Variants in BICDL1 observed in about 807,000 individuals in gnomAD.
BICDL1 encodes the protein BICD family like cargo adaptor 1.
BICDL1 carries 20 observed loss-of-function variants against 76.8 expected under a neutral mutation model. The ratio of observed to expected loss-of-function variants is 0.26; its 90% CI spans 0.18 to 0.38. The LOEUF (loss-of-function observed/expected upper bound fraction) is 0.38, where lower values mean the gene tolerates loss of function less well. Among genes scored for constraint, BICDL1 ranks in the 10% least tolerant of loss-of-function variants. The pLI is 1.00. For synonymous variants in BICDL1, 383 were observed against 337.1 expected (o/e 1.14, Z -1.49); for missense variants, 700 against 798.6 (o/e 0.88, Z 1.49).
At chr12:120,010,625 G>A (rs376223726) in intron 2 of BICDL1, among the ~76,000 whole-genome samples, 3 of 152,180 alleles carry the variant, frequency 2.0e-5, no homozygotes, top group East Asian at 3.8e-4. Context: ...AGAGCTGAAT[G>A]GATTGTTAAT....
At chr12:120,036,090 T>G (rs1289482546) in intron 2 of BICDL1, among the ~76,000 whole-genome samples, 1 of 152,270 alleles carries the variant, frequency 6.6e-6, no homozygotes, top group Non-Finnish European at 1.5e-5. Flanking sequence ...CAGATCTGTT[T>G]CACTGGTGAT....
intron 8 of BICDL1, among the ~76,000 whole-genome samples, chr12:120,089,542 C>T (rs773455978): frequency 4.7e-4 from 72 of 152,302 alleles, no homozygotes; most frequent in Non-Finnish European, 9.3e-4. Flanking sequence ...GCCACCACGC[C>T]TGGCTAATTT....
At chr12:120,028,361 G>A (rs1481177592) in intron 2 of BICDL1, among the ~76,000 whole-genome samples, 1 of 150,136 alleles carries the variant, frequency 6.7e-6, no homozygotes, top group African/African-American at 2.5e-5. Context: ...ACATATCCAA[G>A]AATTGGTTTC....
At chr12:120,017,149 G>C (rs1952081823) in intron 2 of BICDL1, among the ~76,000 whole-genome samples, 1 of 152,192 alleles carries the variant, frequency 6.6e-6, no homozygotes, top group Non-Finnish European at 1.5e-5. Context: ...GCCTGCCCTG[G>C]CCTCCCAAAG....
intron 2 of BICDL1, among the ~76,000 whole-genome samples, chr12:120,033,698 C>T (rs1952476813): frequency 6.6e-6 from 1 of 151,984 alleles, no homozygotes; most frequent in African/African-American, 2.4e-5. Context: ...AGAGTTCTTG[C>T]TTTTAAATTT....
intron 2 of BICDL1, among the ~76,000 whole-genome samples, chr12:120,056,284 C>A (rs976865825): frequency 2.6e-5 from 4 of 152,178 alleles, no homozygotes; most frequent in African/African-American, 9.7e-5. Context: ...TAACTAAAGT[C>A]TTGCCATCTA....
intron 2 of BICDL1, among the ~76,000 whole-genome samples, chr12:120,014,689 C>CAA (rs1037186627): frequency 2.4e-5 from 3 of 126,236 alleles, no homozygotes; most frequent in East Asian, 2.4e-4. Flanking sequence ...GACTCCATCT[C>CAA]AAAAAAAAAA....
chr12:120,078,364 T>C (rs776981322), intron 7 of BICDL1, among the ~76,000 whole-genome samples: 38 of 152,248 alleles, frequency 2.5e-4, no homozygotes, highest in Non-Finnish European at 5.0e-4. Context: ...AAGAGCAAAT[T>C]AAGCCTTCAA....
chr12:119,999,881 T>G (rs1951726636), intron 2 of BICDL1: 1 of 391,840 alleles, frequency 2.6e-6, no homozygotes, highest in Non-Finnish European at 4.9e-6. Context: ...TCAGCACTGA[T>G]GTTCTCATGG....
At chr12:120,075,793 C>T (rs1873498519) in intron 7 of BICDL1, among the ~76,000 whole-genome samples, 1 of 152,198 alleles carries the variant, frequency 6.6e-6, no homozygotes, top group Non-Finnish European at 1.5e-5. Context: ...ATCGGGAGAC[C>T]CACCTCCAGC....
chr12:120,062,281 C>T (rs1953121787), intron 3 of BICDL1, among the ~76,000 whole-genome samples: 1 of 152,096 alleles, frequency 6.6e-6, no homozygotes, highest in African/African-American at 2.4e-5. Flanking sequence ...ACCTGGAACA[C>T]AGTGATGTTA....
At chr12:120,070,730 ACT>A (rs1187412473) in intron 4 of BICDL1, among the ~76,000 whole-genome samples, 1 of 147,718 alleles carries the variant, frequency 6.8e-6, no homozygotes, top group African/African-American at 2.5e-5. Context: ...GGTTGGTATA[ACT>A]CTTTTTTTTT....
chr12:120,084,476 T>C lies in BICDL1; in HGVS notation c.1583+3459T>C, dbSNP rs549911728. ...CTTCCTGACACCCTTTTCCCTTTGC[T>C]ACACTGCTACTTGTTGGGAAGCTAA... On this transcript the variant is annotated intron_variant, in intron 8 of 9. Coordinates refer to ENST00000548673, the MANE Select transcript of BICDL1 (RefSeq NM_001367886.1). Among the ~76,000 whole-genome samples, 8 of 152,376 alleles carry C rather than the reference T, an allele frequency of 5.3e-5. No homozygotes were observed. The South Asian group carries it at 1.4e-3, about 28-fold the overall frequency.
chr12:120,010,885 A>G (rs1163820438), intron 2 of BICDL1, among the ~76,000 whole-genome samples: 1 of 152,226 alleles, frequency 6.6e-6, no homozygotes, highest in Non-Finnish European at 1.5e-5. Context: ...TTACTGGCTT[A>G]ACAAGTAAAA....
At chr12:120,045,252 TA>T (rs1165333009) in intron 2 of BICDL1, among the ~76,000 whole-genome samples, 3 of 152,240 alleles carry the variant, frequency 2.0e-5, no homozygotes, top group African/African-American at 7.2e-5. Context: ...TGGCAATCAT[TA>T]AAAAGTCAGG....
In BICDL1 at chr12:119,996,286, T is replaced by G. The variant is rs569602047; in HGVS notation, c.430-2235T>G. ...TTATCTTTTGGCACATTCTTTTGAC[T>G]GCTCTCAATCATGGTAAATTTTCAT... On this transcript the variant is annotated intron_variant, in intron 1 of 9. Transcript: ENST00000548673. Among the ~76,000 whole-genome samples, 23 of 152,344 alleles carry G rather than the reference T, an allele frequency of 1.5e-4. No homozygotes were observed. In the East Asian group the frequency reaches 3.7e-3, roughly 24 times the overall value.
intron 2 of BICDL1, among the ~76,000 whole-genome samples, chr12:120,053,304 G>A (rs752901059): frequency 6.6e-6 from 1 of 151,772 alleles, no homozygotes; most frequent in African/African-American, 2.4e-5. Context: ...GGCTGGTCTC[G>A]AACTCCTGAC....
At chr12:120,089,571 A>G (rs1335102598) in intron 8 of BICDL1, among the ~76,000 whole-genome samples, 1 of 151,860 alleles carries the variant, frequency 6.6e-6, no homozygotes, top group Non-Finnish European at 1.5e-5. Context: ...TAGTAGAGAC[A>G]GGGTTTCTCC....
Position 119,990,127 on chromosome 12 carries a change from G to T in BICDL1, c.259G>T (p.Ala87Ser), listed in dbSNP as rs1481608148. ...QAEPGSLAEGAGPQPPPSQDP... is the reference protein window; with the variant it reads ...QAEPGSLAEGSGPQPPPSQDP... ...CGAGCCTGGGTCTCTGGCCGAGGGG[G>T]CCGGACCGCAGCCGCCGCCCTCCCA... The change falls in exon 1 of 10, where the codon GCC becomes TCC. Residue 87 changes from alanine (A) to serine (S), a missense_variant. Physicochemically the swap from Ala to Ser is moderately conservative, Grantham distance 99 (BLOSUM62 1). Around this residue, in one of 3 missense-constraint regions of BICDL1, gnomAD observed 225 missense variants for 199.6 expected, o/e 1.13. Coordinates refer to ENST00000548673, the MANE Select transcript of BICDL1 (RefSeq NM_001367886.1). 2 of 1,550,052 alleles carry T rather than the reference G, an allele frequency of 1.3e-6. No individual in the cohort carries two copies. The highest frequency in any genetic ancestry group is 1.7e-6 in the Non-Finnish European group (2 of 1,147,048).
Sources: gnomAD v4.1 joint callset for allele counts (sites outside exome capture counted in the v4.1 genomes callset) on GRCh38, gnomAD v4.1.1 for gene constraint, gnomAD v4.1.1 regional missense constraint, MANE v1.5 for transcripts, NCBI Gene and HGNC (gene_info 2026-07-23, HGNC 2026-07-21) for gene names.